The following RBM47 variants were observed in gnomAD, a reference collection of about 807,000 sequenced individuals.
RBM47 encodes the protein RNA binding motif protein 47.
A neutral mutation model predicts 47.1 loss-of-function variants in RBM47; 21 were observed. The ratio of observed to expected loss-of-function variants is 0.45; its 90% CI spans 0.32 to 0.64. RBM47 has a LOEUF of 0.64. RBM47 is among the 30% of genes least tolerant of loss of function. The pLI, the probability that RBM47 is intolerant of heterozygous loss-of-function variation, is 0.05. For synonymous variants in RBM47, 375 were observed against 361.7 expected (o/e 1.04, Z -0.42); for missense variants, 708 against 870.9 (o/e 0.81, Z 2.35).
At chr4:40,545,813 C>T (rs982013840) in intron 1 of RBM47, among the ~76,000 whole-genome samples, 4 of 152,064 alleles carry the variant, frequency 2.6e-5, no homozygotes, top group Non-Finnish European at 5.9e-5. Flanking sequence ...TGCTTGCTAG[C>T]TGGTTGATCT....
At chr4:40,618,273 A>G (rs1578079589) in intron 1 of RBM47, among the ~76,000 whole-genome samples, 1 of 151,944 alleles carries the variant, frequency 6.6e-6, no homozygotes, top group East Asian at 1.9e-4. Context: ...AAAAGAAAAA[A>G]TGCTAGGCAG....
At chr4:40,456,212 A>G (rs956178750) in intron 3 of RBM47, among the ~76,000 whole-genome samples, 1 of 152,218 alleles carries the variant, frequency 6.6e-6, no homozygotes, top group Non-Finnish European at 1.5e-5. Flanking sequence ...CTGTTAACTA[A>G]TTATGGTGTC....
intron 1 of RBM47, among the ~76,000 whole-genome samples, chr4:40,581,129 G>C (rs1269856518): frequency 6.6e-6 from 1 of 152,136 alleles, no homozygotes; most frequent in Non-Finnish European, 1.5e-5. Flanking sequence ...TTAGTCTAAA[G>C]AAAAGGAGAA....
At chr4:40,468,537 T>G (rs1718392481) in intron 2 of RBM47, among the ~76,000 whole-genome samples, 1 of 152,210 alleles carries the variant, frequency 6.6e-6, no homozygotes, top group Non-Finnish European at 1.5e-5. Flanking sequence ...GTAAGACCTT[T>G]AGGACTCCAT....
At chr4:40,484,343 T>C (rs921671085) in intron 2 of RBM47, among the ~76,000 whole-genome samples, 1 of 152,198 alleles carries the variant, frequency 6.6e-6, no homozygotes, top group African/African-American at 2.4e-5. Context: ...TGTCCCTCAT[T>C]CTCTCCATTT....
Position 40,424,950 on chromosome 4 carries a change from C to G in RBM47, c.*954G>C, listed in dbSNP as rs74741526. 6.6e-5 allele frequency: 10 copies of G among 150,992 alleles called. No homozygotes were observed. The highest frequency in any genetic ancestry group is 1.7e-4 in the African/African-American group (7 of 40,956). 9.4% of individuals were successfully genotyped at this position (150,992 alleles called of 1,614,324 possible). On this transcript the variant is annotated 3_prime_UTR_variant, in exon 7 of 7. Coordinates refer to ENST00000295971, the MANE Select transcript of RBM47 (RefSeq NM_001098634.2). Reference sequence around the variant, plus strand: ...GCTTACTCTGCTACTGAAAATAGCACACGTAGAAGACAATACTTCCCCAAC... The same window carrying G: ...GCTTACTCTGCTACTGAAAATAGCAGACGTAGAAGACAATACTTCCCCAAC...
At chr4:40,537,821 A>G (rs1009710475) in intron 2 of RBM47, among the ~76,000 whole-genome samples, 32 of 151,502 alleles carry the variant, frequency 2.1e-4, no homozygotes, top group African/African-American at 7.3e-4. Context: ...TTACTCTGAC[A>G]AGTCTTTTTT....
At chr4:40,605,722 T>G (rs957219590) in intron 1 of RBM47, among the ~76,000 whole-genome samples, 1 of 151,482 alleles carries the variant, frequency 6.6e-6, no homozygotes, top group Admixed American at 6.6e-5. Context: ...TCCCAGCTAC[T>G]TGGGAGGCTG....
chr4:40,507,537 C>T (rs1431013608), intron 2 of RBM47, among the ~76,000 whole-genome samples: 8 of 152,140 alleles, frequency 5.3e-5, no homozygotes, highest in African/African-American at 1.9e-4. Flanking sequence ...GCCTGTAATC[C>T]CAACACTTTG....
intron 2 of RBM47, among the ~76,000 whole-genome samples, chr4:40,534,857 C>G (rs1443774139): frequency 6.6e-6 from 1 of 151,668 alleles, no homozygotes; most frequent in Non-Finnish European, 1.5e-5. Context: ...ATGGCGTGAA[C>G]CCGGGAGGCG....
At chr4:40,551,130 T>C (rs1178755386) in intron 1 of RBM47, among the ~76,000 whole-genome samples, 1 of 152,128 alleles carries the variant, frequency 6.6e-6, no homozygotes, top group Non-Finnish European at 1.5e-5. Context: ...TCAAGGTAAC[T>C]GAGAGTGAAT....
At chr4:40,480,404 G>A (rs947851585) in intron 2 of RBM47, among the ~76,000 whole-genome samples, 4 of 152,078 alleles carry the variant, frequency 2.6e-5, no homozygotes, top group Non-Finnish European at 5.9e-5. Flanking sequence ...ACACTTTACC[G>A]CCTCAAGCTA....
intron 1 of RBM47, among the ~76,000 whole-genome samples, chr4:40,573,034 T>A (rs1224499126): frequency 6.7e-6 from 1 of 150,306 alleles, no homozygotes; most frequent in African/African-American, 2.4e-5. Flanking sequence ...GTGCCTGTAA[T>A]CCCAGCTAAT....
rs1309081356 is a variant in RBM47 at position 40,433,460 on chromosome 4, A to G, written c.1331-598T>C. ...AATATTTTCTACTATTTCTACAGAA[A>G]AATCACAGTTTGAATGTTATTCTTG... is the stretch of plus-strand genomic sequence containing the variant. On this transcript the variant is annotated intron_variant, in intron 5 of 6. Transcript: ENST00000295971. Among the ~76,000 whole-genome samples, 3 of 152,298 alleles carry G rather than the reference A, an allele frequency of 2.0e-5. No homozygotes were observed. The East Asian group carries it at 5.8e-4, about 29-fold the overall frequency.
At chr4:40,462,785 C>T (rs1717360638) in intron 3 of RBM47, among the ~76,000 whole-genome samples, 1 of 151,752 alleles carries the variant, frequency 6.6e-6, no homozygotes, top group African/African-American at 2.4e-5. Context: ...TTACCTTACA[C>T]TATATATAAA....
In RBM47 at chr4:40,432,730, C is replaced by T; in HGVS notation, c.1463G>A (p.Ser488Asn). 5 of 1,612,314 alleles carry T rather than the reference C, an allele frequency of 3.1e-6. No individual in the cohort carries two copies. Among genetic ancestry groups the T allele is most frequent in the Non-Finnish European group, 4.2e-6 (5 of 1,179,542 alleles). The change falls in exon 6 of 7, where the codon AGT (serine) becomes AAT (asparagine). Residue 488 changes from serine (S) to asparagine (N), a missense_variant. Coordinates refer to ENST00000295971, the MANE Select transcript of RBM47 (RefSeq NM_001098634.2). ...SPIAVQPDPASAAAAAAAAAA... is the reference protein window; with the variant it reads ...SPIAVQPDPANAAAAAAAAAA... Reference sequence around the variant, plus strand: ...GGCCGCGGCTGCGGCGGCAGCAGCACTGGCTGGGTCTGGCTGCACAGCAAT... The same window carrying T: ...GGCCGCGGCTGCGGCGGCAGCAGCATTGGCTGGGTCTGGCTGCACAGCAAT...
chr4:40,549,110 G>T (rs1414811078), intron 1 of RBM47, among the ~76,000 whole-genome samples: 25 of 94,370 alleles, frequency 2.6e-4, no homozygotes, highest in African/African-American at 4.6e-4. Context: ...CTTTTTTTTT[G>T]GGGGGGGGGA....
chr4:40,519,814 C>T (rs372145732), intron 2 of RBM47, among the ~76,000 whole-genome samples: 2 of 151,878 alleles, frequency 1.3e-5, no homozygotes, highest in South Asian at 2.1e-4. Context: ...GGACAACAGG[C>T]GCCCGCCACC....
chr4:40,591,003 G>A (rs148099586), intron 1 of RBM47, among the ~76,000 whole-genome samples: 1,713 of 152,196 alleles, frequency 0.011, 37 homozygotes, highest in African/African-American at 0.038. Context: ...GGGTTTCCCC[G>A]TGTTGGCCAG....
Sources: allele counts gnomAD v4.1 joint callset (sites outside exome capture counted in the v4.1 genomes callset), GRCh38; gene constraint gnomAD v4.1.1; transcripts MANE v1.5; gene names NCBI Gene and HGNC (gene_info 2026-07-23, HGNC 2026-07-21).